The following PLCB2 variants were observed in gnomAD, a reference collection of about 807,000 sequenced individuals.
PLCB2 encodes the protein phospholipase C beta 2.
In PLCB2, 115 loss-of-function variants were observed where a neutral mutation model predicts 141.7. The ratio of observed to expected loss-of-function variants is 0.81; its 90% CI spans 0.70 to 0.95. The LOEUF is 0.95. Among genes scored for constraint, PLCB2 ranks in the 40% least tolerant of loss-of-function variants. The pLI, the probability that PLCB2 is intolerant of heterozygous loss-of-function variation, is 0.00. For missense variants in PLCB2, 1,403 were observed against 1,541.1 expected (o/e 0.91, Z 1.50); for synonymous variants, 603 against 595.6 (o/e 1.01, Z -0.18).
rs186117479 is a variant in PLCB2, at chr15:40,296,648, C to T, written c.1487-14G>A. 9.4e-5 allele frequency: 151 copies of T among 1,612,850 alleles called. No homozygotes were observed. The African/African-American group carries it at 1.8e-3, about 19-fold the overall frequency. ...CGCCAGCCCACACTGCCACATACAGCTCTGTCGGCACTGGCTCCTGCATGG... is the reference window on the plus strand; with the variant it reads ...CGCCAGCCCACACTGCCACATACAGTTCTGTCGGCACTGGCTCCTGCATGG... On this transcript the variant is annotated splice_polypyrimidine_tract_variant and intron_variant, in intron 14 of 31. Coordinates refer to ENST00000260402, the MANE Select transcript of PLCB2 (RefSeq NM_004573.3).
In PLCB2 at chr15:40,293,721, T is replaced by C. The variant is rs779347065; in HGVS notation, c.2065A>G (p.Ile689Val). The change falls in exon 20 of 32, where the codon ATC becomes GTC. Residue 689 changes from isoleucine to valine, a missense_variant. By Grantham distance (29) the Ile-to-Val change is conservative. This residue lies in a region of PLCB2 where 975 missense variants were observed against 1,141.1 expected (regional missense o/e 0.85). Transcript: ENST00000260402. Reference protein sequence around the residue: ...VVATTLSITVISGQFLSERSV... With the variant: ...VVATTLSITVVSGQFLSERSV... ...CGTTCTGACAGGAACTGCCCAGAGA[T>C]CACCTGGGGGTAGGGGCCCAGGAAA... 1.9e-6 allele frequency: 3 copies of C among 1,607,240 alleles called. No homozygotes were observed. Among genetic ancestry groups the C allele is most frequent in the African/African-American group, 1.3e-5 (1 of 74,788 alleles).
rs1475341184 is a variant in PLCB2 at position 40,301,742 on chromosome 15, C to T, written c.582+215G>A. On this transcript the variant is annotated intron_variant, in intron 7 of 31. Coordinates refer to ENST00000260402, the MANE Select transcript of PLCB2 (RefSeq NM_004573.3). ...CACCACCCAGGGTAGGGGATACAGA[C>T]AAACCTGCTTGGAGCTCAGGGTCTC... 5.7e-6 allele frequency: 4 copies of T among 702,804 alleles called. No homozygotes were observed. The East Asian group carries it at 8.1e-5, about 14-fold the overall frequency. The allele number at this position is 702,804 out of a possible 1,614,324, so 43.5% of individuals were successfully genotyped here. A position where few individuals can be genotyped will look rare whatever the true frequency, so the allele number is the denominator to read the frequency against.
chr15:40,286,066 CAGTA>C, downstream of PLCB2: 1 of 983,898 alleles, frequency 1.0e-6, no homozygotes, highest in South Asian at 4.7e-5. Context: ...TCTATGGGCT[CAGTA>C]TGTTCTGAAC....
chr15:40,293,452 G>A, intron 20 of PLCB2, 108 bp downstream of exon 20: 1 of 1,095,728 alleles, frequency 9.1e-7, no homozygotes, highest in African/African-American at 1.6e-5. Context: ...TGAGGGATGG[G>A]AAGAGGAGGA....
At position 40,291,605 on chromosome 15, in the gene PLCB2, C is replaced by G; in HGVS notation, c.2647+1G>C. On this transcript the variant is annotated splice_donor_variant, in intron 25 of 31. Coordinates refer to ENST00000260402, the MANE Select transcript of PLCB2 (RefSeq NM_004573.3). LOFTEE classifies it high-confidence loss of function. ...AGATCACCGGGCTCAGCAGGCCTTACCCGCAGCTTCTTTCATAGCCTCTTC... is the reference window on the plus strand; with the variant it reads ...AGATCACCGGGCTCAGCAGGCCTTAGCCGCAGCTTCTTTCATAGCCTCTTC... 1 of 1,613,452 alleles carries G rather than the reference C, an allele frequency of 6.2e-7. No homozygotes were observed. Among genetic ancestry groups the G allele is most frequent in the Non-Finnish European group, 8.5e-7 (1 of 1,179,888 alleles).
At position 40,294,434 on chromosome 15, in the gene PLCB2, G is replaced by A; in HGVS notation, c.1907-14C>T. On this transcript the variant is annotated splice_polypyrimidine_tract_variant and intron_variant, in intron 18 of 31. Coordinates refer to ENST00000260402, the MANE Select transcript of PLCB2 (RefSeq NM_004573.3). ...GCATGGGCAAGTCTGGAGGGACAAG[G>A]ACACTCAGTGAGGAAGGCCCAGCCC... 1 of 1,613,786 alleles carries A rather than the reference G, an allele frequency of 6.2e-7. No individual in the cohort carries two copies. Among genetic ancestry groups the A allele is most frequent in the South Asian group, 1.1e-5 (1 of 91,080 alleles).
chr15:40,285,521 A>G (rs929844032), downstream of PLCB2: 10 of 985,042 alleles, frequency 1.0e-5, no homozygotes, highest in Non-Finnish European at 2.4e-6. Context: ...CTGCATAGTT[A>G]TTTAGAGTGC....
chr15:40,295,502 TGGGGTGTGTGCCATGGATGTGGA>T (rs2040160812), intron 16 of PLCB2, among the ~76,000 whole-genome samples: 1 of 147,300 alleles, frequency 6.8e-6, no homozygotes. Flanking sequence ...TGCACAGGGG[TGGGGTGTGTGCCATGGATGTGGA>T]GAGTGAGACC....
Position 40,296,528 on chromosome 15 carries a change from C to G in PLCB2, c.1593G>C (p.Ser531=). The change falls in exon 15 of 32, where the codon TCG becomes TCC. Residue 531 remains serine, a synonymous_variant. Transcript: ENST00000260402. ...TGGGGCTACCCCCACACACCTCATC[C>G]GACTGCATCTTCTTAATCTCTTCTT... ...LDEEEIKKMQ[S]DEGTAGLEVT... 1 of 1,614,024 alleles carries G rather than the reference C, an allele frequency of 6.2e-7. No individual in the cohort carries two copies. Among genetic ancestry groups the G allele is most frequent in the Non-Finnish European group, 8.5e-7 (1 of 1,179,948 alleles).
At position 40,298,655 on chromosome 15, in the gene PLCB2, C is replaced by A; in HGVS notation, c.904G>T (p.Val302Leu). 6.2e-7 allele frequency: 1 copy of A among 1,614,160 alleles called. No homozygotes were observed. The highest frequency in any genetic ancestry group is 8.5e-7 in the Non-Finnish European group (1 of 1,179,988). ...VWFLCGPENS[V>L]LAQDKLLLHH... ...AGCAGCAGCTTGTCCTGGGCCAGCA[C>A]GCTGTTCTCTGGCCCACAGAGAAAC... Residue 302 changes from valine to leucine, a missense_variant, in exon 10 of 32, where the codon GTG (valine) becomes TTG (leucine). Coordinates refer to ENST00000260402, the MANE Select transcript of PLCB2 (RefSeq NM_004573.3).
intron 31 of PLCB2, 105 bp from the exon 32 acceptor site, chr15:40,289,023 C>G: frequency 6.7e-7 from 1 of 1,488,334 alleles, no homozygotes; most frequent in Non-Finnish European, 8.9e-7. Flanking sequence ...ATGTTCGGAG[C>G]TCCCAGGAGA....
At chr15:40,287,672 G>A (rs1261467904), downstream of PLCB2, among the ~76,000 whole-genome samples, 3 of 152,144 alleles carry the variant, frequency 2.0e-5, no homozygotes, top group African/African-American at 4.8e-5. Context: ...TCTGTGTGGG[G>A]GCGAAGAGGG....
rs1353808487 is a variant in PLCB2 at position 40,297,294 on chromosome 15, T to C, written c.1323+227A>G. Among the ~76,000 whole-genome samples the C allele has an allele frequency of 7.4e-6, 1 of 135,622 alleles. No homozygotes were observed. The allele number at this position is 135,622 out of a possible 152,430, so 89.0% of individuals were successfully genotyped here. On this transcript the variant is annotated intron_variant, in intron 13 of 31. Transcript: ENST00000260402. The surrounding 1 kb of genome is among the most constrained non-coding windows in gnomAD (Gnocchi z 4.2). Reference sequence around the variant, plus strand: ...ATGGCCTGGTTACTTGTCTGTCTCCTCACTAGAGGGTAATACACCTGAGGG... The same window carrying C: ...ATGGCCTGGTTACTTGTCTGTCTCCCCACTAGAGGGTAATACACCTGAGGG...
At chr15:40,295,341 T>C (rs957317745) in intron 16 of PLCB2, 56 bp from the exon 17 acceptor site, 68 of 1,230,360 alleles carry the variant, frequency 5.5e-5, no homozygotes, top group Non-Finnish European at 7.5e-5. Flanking sequence ...CCTCCCTCAG[T>C]CTTGGCCTCC....
At chr15:40,291,822 A>C (rs781082929) in intron 24 of PLCB2, 27 bp downstream of exon 24, 1 of 1,613,984 alleles carries the variant, frequency 6.2e-7, no homozygotes, top group East Asian at 2.2e-5. Flanking sequence ...AGGTGCCCCC[A>C]GTAGGTGTGC....
Position 40,302,311 on chromosome 15 carries a change from C to G in PLCB2, c.411G>C (p.Pro137=). 1 of 1,614,156 alleles carries G rather than the reference C, an allele frequency of 6.2e-7. No individual in the cohort carries two copies. Among genetic ancestry groups the G allele is most frequent in the Non-Finnish European group, 8.5e-7 (1 of 1,180,030 alleles). Reference sequence around the variant, plus strand: ...TGCTGCGGGAGGCGTTGGCCGTCAGCGGATGTTTGACTAGGGCCAGTACGT... The same window carrying G: ...TGCTGCGGGAGGCGTTGGCCGTCAGGGGATGTTTGACTAGGGCCAGTACGT... ...AEDVLALVKH[P]LTANASRSTF... Residue 137 remains proline, a synonymous_variant, in exon 5 of 32, where the codon CCG becomes CCC. Coordinates refer to ENST00000260402, the MANE Select transcript of PLCB2 (RefSeq NM_004573.3).
chr15:40,295,902 A>AG lies in PLCB2; in HGVS notation c.1696+393dup, dbSNP rs545367033. Reference sequence around the variant, plus strand: ...GGTAAACAGCCGGGCTGTCCATGAAAGGGGAAGCATGCAAAGGGGCAGTAT... The same window carrying AG: ...GGTAAACAGCCGGGCTGTCCATGAAAGGGGGAAGCATGCAAAGGGGCAGTAT... On this transcript the variant is annotated intron_variant, in intron 16 of 31. Coordinates refer to ENST00000260402, the MANE Select transcript of PLCB2 (RefSeq NM_004573.3). 1.4e-3 allele frequency among the ~76,000 whole-genome samples: 214 copies of AG among 152,300 alleles called. 1 individual carries two copies. The highest frequency in any genetic ancestry group is 4.9e-3 in the African/African-American group (204 of 41,556).
In PLCB2 at chr15:40,303,253, G is replaced by A. The variant is rs369090980; in HGVS notation, c.231+35C>T. On this transcript the variant is annotated intron_variant, in intron 3 of 31. Transcript: ENST00000260402. Reference sequence around the variant, plus strand: ...CCCTTGCCCCATGGAGCTAGTAGCTGTGCTTGAGCCTGGGCTGCTACTGGA... The same window carrying A: ...CCCTTGCCCCATGGAGCTAGTAGCTATGCTTGAGCCTGGGCTGCTACTGGA... 4 of 1,521,194 alleles carry A rather than the reference G, an allele frequency of 2.6e-6. No individual in the cohort carries two copies. The African/African-American group carries it at 5.5e-5, about 21-fold the overall frequency. The allele number at this position is 1,521,194 out of a possible 1,614,324, so 94.2% of individuals were successfully genotyped here.
In PLCB2 at chr15:40,297,169, T is replaced by G. The variant is rs1439316427; in HGVS notation, c.1324-261A>C. ...GCACCAGGAGGACCTAACAGGCTAC[T>G]CTAGGAGCCCTGTCCATCACTTCCT... On this transcript the variant is annotated intron_variant, in intron 13 of 31. Coordinates refer to ENST00000260402, the MANE Select transcript of PLCB2 (RefSeq NM_004573.3). This position sits in a 1 kb window ranked among gnomAD's most constrained non-coding sequence, Gnocchi z 4.2. Among the ~76,000 whole-genome samples the G allele has an allele frequency of 6.6e-6, 1 of 151,986 alleles. No homozygotes were observed. The highest frequency in any genetic ancestry group is 1.5e-5 in the Non-Finnish European group (1 of 67,968).
Sources: allele counts gnomAD v4.1 joint callset (sites outside exome capture counted in the v4.1 genomes callset), GRCh38; gene constraint gnomAD v4.1.1; regional missense constraint gnomAD v4.1.1; non-coding constraint Gnocchi (gnomAD v3.1); transcripts MANE v1.5; gene names NCBI Gene and HGNC (gene_info 2026-07-23, HGNC 2026-07-21).